RAB23: variants seen among roughly 807,000 people sequenced by gnomAD.
The protein encoded by RAB23 is RAB23, member RAS oncogene family.
Under a neutral mutation model 30.0 loss-of-function variants are expected in RAB23, and 15 were observed. That is an observed-to-expected ratio of 0.50 (90% confidence interval 0.33 to 0.77). The LOEUF (loss-of-function observed/expected upper bound fraction) is 0.77, where lower values mean the gene tolerates loss of function less well. RAB23 is among the 30% of genes least tolerant of loss of function. The pLI is 0.02. For synonymous variants in RAB23, 93 were observed against 94.0 expected (o/e 0.99, Z 0.06); for missense variants, 243 against 275.4 (o/e 0.88, Z 0.83).
At chr6:57,197,512 T>C (rs1422139483) in intron 3 of RAB23, among the ~76,000 whole-genome samples, 4 of 152,144 alleles carry the variant, frequency 2.6e-5, no homozygotes, top group African/African-American at 2.4e-5. Flanking sequence ...TTTCTTACCA[T>C]TACTCCTTCC....
intron 1 of RAB23, 71 bp from the exon 2 acceptor site, chr6:57,210,516 A>G: frequency 2.0e-6 from 2 of 981,576 alleles, no homozygotes; most frequent in Non-Finnish European, 3.2e-6. Flanking sequence ...TTTTATCAAG[A>G]AATTATCACA....
intron 5 of RAB23, 70 bp downstream of exon 5, chr6:57,194,698 TAA>T: frequency 8.8e-7 from 1 of 1,139,568 alleles, no homozygotes; most frequent in South Asian, 1.4e-5. Context: ...ATATAATTTC[TAA>T]ACAACACAAT....
intron 1 of RAB23, 131 bp from the exon 2 acceptor site, chr6:57,210,576 T>A: frequency 1.6e-6 from 1 of 635,906 alleles, no homozygotes; most frequent in East Asian, 2.8e-5. Context: ...CCACTCTCTT[T>A]AGATAATGTA....
At chr6:57,217,380 C>T (rs1328550665) in intron 1 of RAB23, among the ~76,000 whole-genome samples, 4 of 152,238 alleles carry the variant, frequency 2.6e-5, no homozygotes, top group South Asian at 2.1e-4. Flanking sequence ...GGCCTGATCT[C>T]GGCTCACCGC....
rs1446978170 is a variant in RAB23 at position 57,189,135 on chromosome 6, G to A, written c.*1326C>T. 6.6e-6 allele frequency: 1 copy of A among 152,206 alleles called. No individual in the cohort carries two copies. The highest frequency in any genetic ancestry group is 6.5e-5 in the Admixed American group (1 of 15,280). 9.4% of individuals were successfully genotyped at this position (152,206 alleles called of 1,614,324 possible). ...TTCACGCAATTATCTTAGCTGGAAA[G>A]CTACTGTCCCAAGTGACAAAATTTA... On this transcript the variant is annotated 3_prime_UTR_variant, in exon 7 of 7. Transcript: ENST00000468148.
rs202181599 is a variant in RAB23, at chr6:57,190,559, A to T, written c.616T>A (p.Ser206Thr). Reference sequence around the variant, plus strand: ...ACATCTCCACCATTGAGGGTACCTGAATTCTGACCGGAGTGACTTCCACCA... The same window carrying T: ...ACATCTCCACCATTGAGGGTACCTGTATTCTGACCGGAGTGACTTCCACCA... ...TSGGSHSGQN[S>T]GTLNGGDVIN... is the part of the protein sequence containing the mutation. The change falls in exon 7 of 7, where the codon TCA becomes ACA. Residue 206 changes from serine (S) to threonine (T), a missense_variant. Coordinates refer to ENST00000468148, the MANE Select transcript of RAB23 (RefSeq NM_016277.5). 42 of 1,613,996 alleles carry T rather than the reference A, an allele frequency of 2.6e-5. No homozygotes were observed. In the East Asian group the frequency reaches 8.9e-4, roughly 34 times the overall value.
chr6:57,200,469 G>A (rs1483491798), intron 3 of RAB23, among the ~76,000 whole-genome samples: 1 of 149,796 alleles, frequency 6.7e-6, no homozygotes, highest in African/African-American at 2.5e-5. Context: ...CCCTGGAGGA[G>A]GAGGTTGCAA....
intron 1 of RAB23, among the ~76,000 whole-genome samples, chr6:57,219,284 T>C (rs1765966111): frequency 6.6e-6 from 1 of 152,220 alleles, no homozygotes; most frequent in African/African-American, 2.4e-5. Context: ...ACAAAACATG[T>C]ACACAATCTG....
In RAB23 at chr6:57,187,167, A is replaced by G. The variant is rs1764633521; in HGVS notation, c.*3294T>C. ...TATTTATTAGTAATAAAAATATAGAAGGAATTCAGTTTTCCTTTTATCCCC... is the reference window on the plus strand; with the variant it reads ...TATTTATTAGTAATAAAAATATAGAGGGAATTCAGTTTTCCTTTTATCCCC... On this transcript the variant is annotated 3_prime_UTR_variant, in exon 7 of 7. Coordinates refer to ENST00000468148, the MANE Select transcript of RAB23 (RefSeq NM_016277.5). 1 of 152,182 alleles carries G rather than the reference A, an allele frequency of 6.6e-6. No individual in the cohort carries two copies. The highest frequency in any genetic ancestry group is 2.4e-5 in the African/African-American group (1 of 41,438). The allele number at this position is 152,182 out of a possible 1,614,324, so 9.4% of individuals were successfully genotyped here.
rs1764925848 is a variant in RAB23 at position 57,193,835 on chromosome 6, T to C, written c.574+7A>G. ...TAAACATGGGCTAAAATTTCCTATGTACTTACCAATCTTGTTACTACTTGA... is the reference window on the plus strand; with the variant it reads ...TAAACATGGGCTAAAATTTCCTATGCACTTACCAATCTTGTTACTACTTGA... On this transcript the variant is annotated splice_region_variant and intron_variant, in intron 6 of 6. Coordinates refer to ENST00000468148, the MANE Select transcript of RAB23 (RefSeq NM_016277.5). The C allele has an allele frequency of 1.2e-6, 2 of 1,612,404 alleles. No individual in the cohort carries two copies. The highest frequency in any genetic ancestry group is 1.7e-5 in the Admixed American group (1 of 59,940).
At chr6:57,199,426 A>C (rs1765152531) in intron 3 of RAB23, among the ~76,000 whole-genome samples, 1 of 152,124 alleles carries the variant, frequency 6.6e-6, no homozygotes, top group African/African-American at 2.4e-5. Context: ...ACTTCCTGGG[A>C]TCATGTCCCA....
At chr6:57,194,951 G>T in intron 4 of RAB23, 99 bp from the exon 5 acceptor site, 1 of 826,600 alleles carries the variant, frequency 1.2e-6, no homozygotes, top group Non-Finnish European at 2.0e-6. Flanking sequence ...CAGTTTGGCA[G>T]GGAAGGGAGG....
At chr6:57,203,032 A>C (rs1184723741) in intron 3 of RAB23, among the ~76,000 whole-genome samples, 1 of 121,568 alleles carries the variant, frequency 8.2e-6, no homozygotes, top group African/African-American at 3.1e-5. Flanking sequence ...TTTGAGACAG[A>C]GTCTTGCTCT....
intron 1 of RAB23, among the ~76,000 whole-genome samples, chr6:57,216,836 CG>C (rs2128007559): frequency 6.6e-6 from 1 of 152,126 alleles, no homozygotes; most frequent in East Asian, 1.9e-4. Flanking sequence ...GACGTTGCCG[CG>C]GCATTTATAA....
At chr6:57,220,121 CCAA>C (rs1766000242) in intron 1 of RAB23, among the ~76,000 whole-genome samples, 1 of 152,150 alleles carries the variant, frequency 6.6e-6, no homozygotes, top group African/African-American at 2.4e-5. Flanking sequence ...AGATACCTCA[CCAA>C]CGACTCCATG....
chr6:57,198,051 C>G (rs150187991), intron 3 of RAB23, among the ~76,000 whole-genome samples: 16 of 152,204 alleles, frequency 1.1e-4, no homozygotes, highest in African/African-American at 3.6e-4. Flanking sequence ...GCTGGGATTA[C>G]AGGTGTGAGT....
At position 57,194,819 on chromosome 6, in the gene RAB23, CTT is replaced by C; in HGVS notation, c.430_431del (p.Lys144ValfsTer16). The C allele has an allele frequency of 1.2e-6, 2 of 1,613,378 alleles. No individual in the cohort carries two copies. The highest frequency in any genetic ancestry group is 1.7e-6 in the Non-Finnish European group (2 of 1,179,576). On this transcript the variant is annotated frameshift_variant, in exon 5 of 7. Coordinates refer to ENST00000468148, the MANE Select transcript of RAB23 (RefSeq NM_016277.5). LOFTEE classifies it high-confidence loss of function. ...TCACTGATGTTCTGTAGAATCTTAA[CTT>C]TAACCTTTTTGCCAGTGCCTCAGCT... ...EEAEALAKRL[K>X]LRFYRTSVKE... is the part of the protein sequence containing the mutation.
intron 1 of RAB23, among the ~76,000 whole-genome samples, chr6:57,220,979 T>C (rs747840643): frequency 7.9e-5 from 12 of 152,184 alleles, no homozygotes; most frequent in South Asian, 6.2e-4. Context: ...ATCAAAACAA[T>C]TACGTTCCTA....
At chr6:57,192,564 TGG>T (rs1231212158) in intron 6 of RAB23, among the ~76,000 whole-genome samples, 2 of 152,190 alleles carry the variant, frequency 1.3e-5, no homozygotes, top group Admixed American at 6.5e-5. Context: ...ACTGGACACT[TGG>T]CAGTGCCCTG....
Sources: gnomAD v4.1 joint callset for allele counts (sites outside exome capture counted in the v4.1 genomes callset) on GRCh38, gnomAD v4.1.1 for gene constraint, MANE v1.5 for transcripts, NCBI Gene and HGNC (gene_info 2026-07-23, HGNC 2026-07-21) for gene names.